The following UNK variants were observed in gnomAD, a reference collection of about 807,000 sequenced individuals.
The protein encoded by UNK is RING finger protein unkempt homolog.
UNK carries 32 observed loss-of-function variants against 97.6 expected under a neutral mutation model. The observed-to-expected ratio is 0.33, with a 90% CI of 0.25 to 0.44. The LOEUF (loss-of-function observed/expected upper bound fraction) is 0.44, where lower values mean the gene tolerates loss of function less well. Ranked by LOEUF, UNK falls within the 20% of genes least tolerant of loss-of-function variation. UNK has a pLI of 1.00. For synonymous variants in UNK, 441 were observed against 461.2 expected, an observed-to-expected ratio of 0.96 and a Z score of 0.56; for missense variants, 771 against 1,098.4, an observed-to-expected ratio of 0.70 and a Z score of 4.21.
At chr17:75,786,461 TAGAA>T (rs913909445) in intron 1 of UNK, among the ~76,000 whole-genome samples, 12 of 152,252 alleles carry the variant, frequency 7.9e-5, no homozygotes, top group African/African-American at 2.9e-4. Context: ...GAATCTGTAA[TAGAA>T]AGGCTTTCTT....
chr17:75,816,877 A>G lies in UNK; in HGVS notation c.1069A>G (p.Ser357Gly). The change falls in exon 8 of 16, where the codon AGC (serine) becomes GGC (glycine). Residue 357 changes from serine to glycine, a missense_variant. This residue lies in a region of UNK where 192 missense variants were observed against 202.4 expected (regional missense o/e 0.95). Coordinates refer to ENST00000589666, the MANE Select transcript of UNK (RefSeq NM_001080419.3). This position sits in a 1 kb window ranked among gnomAD's most constrained non-coding sequence, Gnocchi z 4.0. ...PSAAGDSVPVSPSSPHAPDLS... is the reference protein window; with the variant it reads ...PSAAGDSVPVGPSSPHAPDLS... ...TGCCGCCGGAGACTCGGTGCCTGTGAGCCCCTCCAGCCCGCATGCCCCTGA... is the reference window on the plus strand; with the variant it reads ...TGCCGCCGGAGACTCGGTGCCTGTGGGCCCCTCCAGCCCGCATGCCCCTGA... 6.2e-7 allele frequency: 1 copy of G among 1,606,092 alleles called. No individual in the cohort carries two copies.
chr17:75,794,639 A>C (rs1400779123), intron 1 of UNK, among the ~76,000 whole-genome samples: 1 of 97,214 alleles, frequency 1.0e-5, no homozygotes, highest in Non-Finnish European at 2.1e-5. Context: ...ACTCCGTCTC[A>C]AAAAAAAAAA....
At chr17:75,788,102 A>G (rs937633672) in intron 1 of UNK, among the ~76,000 whole-genome samples, 2 of 152,066 alleles carry the variant, frequency 1.3e-5, no homozygotes, top group African/African-American at 2.4e-5. Flanking sequence ...ATAATTGATC[A>G]TTGATAATAA....
chr17:75,809,112 G>A (rs2061945032), intron 1 of UNK: 2 of 142,624 alleles, frequency 1.4e-5, no homozygotes, highest in African/African-American at 2.6e-5. Context: ...GGGCGGGGGG[G>A]CGGGTATCTT....
intron 1 of UNK, among the ~76,000 whole-genome samples, chr17:75,795,488 C>T (rs1236567857): frequency 3.3e-5 from 5 of 151,972 alleles, no homozygotes; most frequent in Admixed American, 6.6e-5. Flanking sequence ...TACAGGCACG[C>T]GCCACCACAC....
At chr17:75,787,141 T>G (rs1356744482) in intron 1 of UNK, among the ~76,000 whole-genome samples, 1 of 152,186 alleles carries the variant, frequency 6.6e-6, no homozygotes, top group Middle Eastern at 3.2e-3. Flanking sequence ...CTTCATCCCC[T>G]AGTCCTCCTA....
chr17:75,823,133 T>G, intron 14 of UNK, 132 bp from the exon 15 acceptor site: 1 of 1,405,128 alleles, frequency 7.1e-7, no homozygotes, highest in Non-Finnish European at 9.5e-7. Flanking sequence ...GCCTCCTCCT[T>G]GCCCTCCTCC....
At chr17:75,791,971 C>T in intron 1 of UNK, 1 of 985,440 alleles carries the variant, frequency 1.0e-6, no homozygotes, top group Non-Finnish European at 1.2e-6. Flanking sequence ...GCAAGATACC[C>T]TCGTGGACCT....
intron 13 of UNK, chr17:75,821,225 C>T (rs997113292): frequency 2.8e-5 from 10 of 356,366 alleles, no homozygotes; most frequent in Non-Finnish European, 5.7e-5. Context: ...CTTCTGGTGG[C>T]GTCTAGACTT....
At chr17:75,822,281 G>T (rs1487226413) in intron 13 of UNK, among the ~76,000 whole-genome samples, 196 bp from the exon 14 acceptor site, 1 of 152,204 alleles carries the variant, frequency 6.6e-6, no homozygotes, top group South Asian at 2.1e-4. Context: ...GTCACTCAAG[G>T]TTAGGTCTGA....
chr17:75,792,052 A>G, intron 1 of UNK: 1 of 985,466 alleles, frequency 1.0e-6, no homozygotes. Context: ...CTTAGAAGCC[A>G]TGAGCACGCT....
chr17:75,795,595 C>T (rs2061798940), intron 1 of UNK, among the ~76,000 whole-genome samples: 1 of 152,126 alleles, frequency 6.6e-6, no homozygotes, highest in Non-Finnish European at 1.5e-5. Flanking sequence ...CCGTCTTGAC[C>T]TCTCAAAAGT....
intron 3 of UNK, 34 bp downstream of exon 3, chr17:75,812,322 A>AG: frequency 6.3e-7 from 1 of 1,594,900 alleles, no homozygotes; most frequent in Non-Finnish European, 8.6e-7. Flanking sequence ...TGATGGCAGT[A>AG]GGCTGGGGTC....
rs780462699 is a variant in UNK, at chr17:75,823,312, C to T, written c.2067C>T (p.Ala689=). ...AGGCGGAGGAGGCTGGTGAGCGGGC[C>T]AGTGCGGCGGGCGCCGAGTGCGAGC... The part of the protein sequence containing the change: ...KKEAEEAGER[A]SAAGAECELA... The change falls in exon 15 of 16, where the codon GCC becomes GCT. Residue 689 remains alanine (A), a synonymous_variant. Transcript: ENST00000589666. The T allele has an allele frequency of 3.1e-6, 5 of 1,610,090 alleles. No individual in the cohort carries two copies. The highest frequency in any genetic ancestry group is 4.2e-6 in the Non-Finnish European group (5 of 1,178,010).
At chr17:75,793,041 G>A (rs1458176265) in intron 1 of UNK, among the ~76,000 whole-genome samples, 1 of 152,226 alleles carries the variant, frequency 6.6e-6, no homozygotes, top group Non-Finnish European at 1.5e-5. Context: ...CATGTTATAA[G>A]TCTGTGGAGA....
In UNK at chr17:75,823,531, A is replaced by C; in HGVS notation, c.2277+9A>C. ...TGGAACAAGTGGACAAGGTCAGCCC[A>C]GGTCGGGGAGCACTGGGTGGGATGC... On this transcript the variant is annotated intron_variant, in intron 15 of 15. Transcript: ENST00000589666. The C allele has an allele frequency of 6.5e-7, 1 of 1,536,448 alleles. No individual in the cohort carries two copies. Among genetic ancestry groups the C allele is most frequent in the South Asian group, 1.2e-5 (1 of 81,162 alleles).
At chr17:75,806,434 G>A (rs1454187767) in intron 1 of UNK, among the ~76,000 whole-genome samples, 4 of 146,622 alleles carry the variant, frequency 2.7e-5, no homozygotes, top group Non-Finnish European at 4.5e-5. Context: ...CTGCACTCTA[G>A]CCTGGGCGAC....
intron 6 of UNK, among the ~76,000 whole-genome samples, chr17:75,814,107 C>T (rs1397067213): frequency 6.6e-6 from 1 of 152,158 alleles, no homozygotes; most frequent in Admixed American, 6.5e-5. Context: ...AGTTCTGTGT[C>T]CCCCAGGCCT....
chr17:75,806,543 G>T lies in UNK; in HGVS notation c.105-3217G>T, dbSNP rs112198373. Among the ~76,000 whole-genome samples, 322 of 152,226 alleles carry T rather than the reference G, an allele frequency of 2.1e-3. 3 individuals are homozygous for T. The highest frequency in any genetic ancestry group is 7.1e-3 in the African/African-American group (295 of 41,544). ...AATCCCAGCACTTTGGGAAGCCGAG[G>T]CGGGCGAATCACAAGGTCAGGAGTT... On this transcript the variant is annotated intron_variant, in intron 1 of 15. Transcript: ENST00000589666.
Sources: gnomAD v4.1 joint callset for allele counts (sites outside exome capture counted in the v4.1 genomes callset) on GRCh38, gnomAD v4.1.1 for gene constraint, gnomAD v4.1.1 regional missense constraint, Gnocchi (gnomAD v3.1) non-coding constraint, MANE v1.5 for transcripts, NCBI Gene and HGNC (gene_info 2026-07-23, HGNC 2026-07-21) for gene names.